The following TBL1Y variants were observed in gnomAD, a reference collection of about 807,000 sequenced individuals.
The protein encoded by TBL1Y is F-box-like/WD repeat-containing protein TBL1Y.
TBL1Y carries 15 observed loss-of-function variants against 12.0 expected under a neutral mutation model. That is an observed-to-expected ratio of 1.25 (90% CI 0.83 to 1.92). The LOEUF is 1.92. Ranked by LOEUF, TBL1Y falls within the 40% of genes most tolerant of loss-of-function variation. The pLI, the probability that TBL1Y is intolerant of heterozygous loss-of-function variation, is 0.00. For synonymous variants in TBL1Y, 53 were observed against 42.6 expected, an observed-to-expected ratio of 1.24 and a Z score of -0.95; for missense variants, 148 against 116.7, an observed-to-expected ratio of 1.27 and a Z score of -1.24.
intron 2 of TBL1Y, among the ~76,000 whole-genome samples, chrY:6,976,919 C>A (rs1385416439): frequency 3.0e-5 from 1 of 33,590 alleles, no homozygotes; most frequent in African/African-American, 1.2e-4. Flanking sequence ...GTGACAGGAT[C>A]TGTTCATGTC....
intron 2 of TBL1Y, chrY:6,919,063 T>G: frequency 3.2e-5 from 1 of 31,475 alleles, no homozygotes; most frequent in Non-Finnish European, 7.6e-5. Flanking sequence ...TTTTGTATTT[T>G]TAGAAGAGAC....
At chrY:7,043,527 AAAAT>A (rs559433562) in intron 7 of TBL1Y, among the ~76,000 whole-genome samples, 370 of 28,387 alleles carry the variant, frequency 0.013, no homozygotes, top group South Asian at 0.056. Context: ...CCATATATCT[AAAAT>A]AAATAAATAA....
chrY:6,946,971 T>C (rs2011989102), intron 2 of TBL1Y, among the ~76,000 whole-genome samples: 1 of 33,554 alleles, frequency 3.0e-5, no homozygotes, highest in Non-Finnish European at 7.3e-5. Flanking sequence ...GAATGAGATA[T>C]ACATCTATCT....
intron 14 of TBL1Y, among the ~76,000 whole-genome samples, chrY:7,081,972 T>A: frequency 3.1e-5 from 1 of 32,734 alleles, no homozygotes; most frequent in African/African-American, 1.2e-4. Context: ...AATTTGCCAG[T>A]TTGAAGAACA....
At chrY:6,998,785 G>T in intron 4 of TBL1Y, among the ~76,000 whole-genome samples, 1 of 33,117 alleles carries the variant, frequency 3.0e-5, no homozygotes, top group East Asian at 7.9e-4. Context: ...AACCACTGCT[G>T]CATCTCTGTG....
chrY:6,971,712 G>A (rs2012209584), intron 2 of TBL1Y, among the ~76,000 whole-genome samples: 1 of 33,254 alleles, frequency 3.0e-5, no homozygotes. Context: ...ATGTTCAAGC[G>A]ATCCTGCTGC....
chrY:7,047,981 G>C, intron 7 of TBL1Y, among the ~76,000 whole-genome samples: 2 of 31,384 alleles, frequency 6.4e-5, no homozygotes, highest in African/African-American at 2.5e-4. Context: ...GGATGGTCTG[G>C]ATCTCCTGAG....
At chrY:6,990,691 TGGGACTACAGGTGCCCACCACC>T in intron 3 of TBL1Y, among the ~76,000 whole-genome samples, 1 of 29,190 alleles carries the variant, frequency 3.4e-5, no homozygotes, top group Non-Finnish European at 8.0e-5. Flanking sequence ...CCCGAGTAGC[TGGGACTACAGGTGCCCACCACC>T]ACGCCTGGCT....
chrY:7,057,986 C>T (rs993210863), intron 7 of TBL1Y, among the ~76,000 whole-genome samples: 3 of 33,786 alleles, frequency 8.9e-5, no homozygotes, highest in Non-Finnish European at 2.2e-4. Flanking sequence ...TATTTGATTG[C>T]GGGCTTTAAA....
chrY:6,962,198 T>A, intron 2 of TBL1Y, among the ~76,000 whole-genome samples: 1 of 33,545 alleles, frequency 3.0e-5, no homozygotes, highest in Non-Finnish European at 7.4e-5. Context: ...TATTTTTTGC[T>A]TGTTTCCATG....
intron 8 of TBL1Y, among the ~76,000 whole-genome samples, chrY:7,068,381 T>C (rs2013001872): frequency 6.1e-5 from 2 of 32,733 alleles, no homozygotes; most frequent in African/African-American, 2.4e-4. Context: ...CGGGCCCTTT[T>C]CCTGGGATCC....
chrY:6,958,670 T>A (rs374738783), intron 2 of TBL1Y, among the ~76,000 whole-genome samples: 6,916 of 32,742 alleles, frequency 0.21, no homozygotes, highest in African/African-American at 0.68. Context: ...ATGTGAGCAA[T>A]AGAATCTACG....
chrY:6,952,901 G>T, intron 2 of TBL1Y, among the ~76,000 whole-genome samples: 1 of 33,025 alleles, frequency 3.0e-5, no homozygotes, highest in Non-Finnish European at 7.4e-5. Context: ...GTATTTGCTT[G>T]TCTGTAAAGT....
At chrY:7,047,421 A>G in intron 7 of TBL1Y, among the ~76,000 whole-genome samples, 1 of 33,561 alleles carries the variant, frequency 3.0e-5, no homozygotes, top group Non-Finnish European at 7.4e-5. Flanking sequence ...TACCACACCA[A>G]TGTATTCAAT....
intron 6 of TBL1Y, among the ~76,000 whole-genome samples, chrY:7,030,170 A>G: frequency 2.9e-5 from 1 of 34,033 alleles, no homozygotes; most frequent in East Asian, 7.8e-4. Context: ...CATGACAAAT[A>G]TGAATGGTTT....
intron 14 of TBL1Y, among the ~76,000 whole-genome samples, chrY:7,081,971 G>A: frequency 3.0e-5 from 1 of 32,967 alleles, no homozygotes; most frequent in Non-Finnish European, 7.4e-5. Context: ...AAATTTGCCA[G>A]TTTGAAGAAC....
At chrY:6,999,359 C>T in intron 4 of TBL1Y, among the ~76,000 whole-genome samples, 1 of 33,129 alleles carries the variant, frequency 3.0e-5, no homozygotes, top group Admixed American at 2.8e-4. Flanking sequence ...TTGGTTTTGG[C>T]ACCACGTCAC....
chrY:6,938,349 TG>T (rs2124102529), intron 2 of TBL1Y, among the ~76,000 whole-genome samples: 1 of 34,083 alleles, frequency 2.9e-5, no homozygotes, highest in East Asian at 7.8e-4. Context: ...TCTCAAGGTT[TG>T]GAAGGCCAGA....
chrY:6,924,359 C>T (rs9786437), intron 2 of TBL1Y, among the ~76,000 whole-genome samples: 1 of 31,884 alleles, frequency 3.1e-5, no homozygotes, highest in African/African-American at 1.2e-4. Flanking sequence ...GAGGCTGAGG[C>T]GGGCGGATCA....
Sources: gnomAD v4.1 joint callset for allele counts (sites outside exome capture counted in the v4.1 genomes callset) on GRCh38, gnomAD v4.1.1 for gene constraint, MANE v1.5 for transcripts, NCBI Gene and HGNC (gene_info 2026-07-23, HGNC 2026-07-21) for gene names.